The following DNM3 variants were observed in gnomAD, a reference collection of about 807,000 sequenced individuals.
The protein encoded by DNM3 is dynamin 3, also known as dynamin-3.
In DNM3, 47 loss-of-function variants were observed where a neutral mutation model predicts 101.6. The observed-to-expected ratio is 0.46, with a 90% CI of 0.37 to 0.59. DNM3 has a LOEUF of 0.59. DNM3 is among the 20% of genes least tolerant of loss of function. The pLI, the probability that DNM3 is intolerant of heterozygous loss-of-function variation, is 0.00. For synonymous variants in DNM3, 385 were observed against 387.9 expected, an observed-to-expected ratio of 0.99 and a Z score of 0.09; for missense variants, 849 against 1,085.7, an observed-to-expected ratio of 0.78 and a Z score of 3.06.
At chr1:171,909,059 A>G (rs1295113960) in intron 1 of DNM3, among the ~76,000 whole-genome samples, 1 of 152,130 alleles carries the variant, frequency 6.6e-6, no homozygotes, top group Admixed American at 6.5e-5. Flanking sequence ...AATAAATGAC[A>G]TAGTCTTTGC....
chr1:172,210,930 C>A (rs2060493111), intron 14 of DNM3, among the ~76,000 whole-genome samples: 1 of 152,020 alleles, frequency 6.6e-6, no homozygotes, highest in Non-Finnish European at 1.5e-5. Context: ...AAATAAAGGG[C>A]ATTTTTTACA....
chr1:172,092,820 T>A lies in DNM3; in HGVS notation c.1494-4T>A. On this transcript the variant is annotated splice_region_variant and splice_polypyrimidine_tract_variant and intron_variant, in intron 12 of 20. Transcript: ENST00000627582. The stretch of plus-strand genomic sequence containing the variant: ...TCAGTGCTGCTTTCCTTTGCTTTTC[T>A]CAGTGCTCAGCAGAGGAGCAGTCAG... The A allele has an allele frequency of 6.4e-7, 1 of 1,555,228 alleles. No individual in the cohort carries two copies. Among genetic ancestry groups the A allele is most frequent in the South Asian group, 1.2e-5 (1 of 83,784 alleles).
intron 12 of DNM3, among the ~76,000 whole-genome samples, chr1:172,084,037 G>A (rs1002750986): frequency 1.3e-5 from 2 of 152,090 alleles, no homozygotes; most frequent in Non-Finnish European, 2.9e-5. Flanking sequence ...AATTTAAATT[G>A]CACACTTAAA....
chr1:172,404,798 T>G (rs1310448822), intron 20 of DNM3, among the ~76,000 whole-genome samples: 1 of 152,118 alleles, frequency 6.6e-6, no homozygotes, highest in Non-Finnish European at 1.5e-5. Flanking sequence ...CTTTTCCACT[T>G]AAAATGAAGT....
Position 172,371,299 on chromosome 1 carries a change from T to C in DNM3, c.1894-7719T>C, listed in dbSNP as rs546518254. 2.6e-5 allele frequency among the ~76,000 whole-genome samples: 4 copies of C among 152,164 alleles called. No individual in the cohort carries two copies. The East Asian group carries it at 7.8e-4, about 30-fold the overall frequency. On this transcript the variant is annotated intron_variant, in intron 17 of 20. Transcript: ENST00000627582. Reference sequence around the variant, plus strand: ...GTAGCAAAGAATCTGACACATTTGGTATAATAAACCCACAAATGTTCATTA... The same window carrying C: ...GTAGCAAAGAATCTGACACATTTGGCATAATAAACCCACAAATGTTCATTA...
intron 15 of DNM3, chr1:172,289,980 T>C (rs2063839969): frequency 1.1e-6 from 1 of 915,804 alleles, no homozygotes; most frequent in Non-Finnish European, 1.3e-6. Flanking sequence ...ATTAAATTTA[T>C]ATTATTGACA....
chr1:171,875,958 G>A (rs961322342), intron 1 of DNM3, among the ~76,000 whole-genome samples: 6 of 151,680 alleles, frequency 4.0e-5, no homozygotes, highest in Admixed American at 2.0e-4. Flanking sequence ...CTACAGGCGC[G>A]TGCCACCATG....
intron 17 of DNM3, among the ~76,000 whole-genome samples, chr1:172,370,847 T>C (rs1305789169): frequency 1.3e-5 from 2 of 152,022 alleles, no homozygotes; most frequent in Non-Finnish European, 2.9e-5. Context: ...TGTGAAGGCA[T>C]TTGAAAACTG....
intron 7 of DNM3, among the ~76,000 whole-genome samples, chr1:172,041,542 A>G (rs2049388817): frequency 6.6e-6 from 1 of 152,166 alleles, no homozygotes. Flanking sequence ...ATTTCTCAAT[A>G]GCCCTTGAAG....
At chr1:171,972,213 T>C (rs2044044528) in intron 2 of DNM3, among the ~76,000 whole-genome samples, 1 of 152,216 alleles carries the variant, frequency 6.6e-6, no homozygotes, top group Non-Finnish European at 1.5e-5. Flanking sequence ...GTTACTACGC[T>C]GTGGAAGGCG....
chr1:171,927,493 G>A lies in DNM3; in HGVS notation c.235+5672G>A, dbSNP rs538775657. ...AGCTCCCACTTATAAGTGAGAAAAT[G>A]CAATATTTGGTTTTCTGTTCCTGCG... On this transcript the variant is annotated intron_variant, in intron 2 of 20. Transcript: ENST00000627582. Among the ~76,000 whole-genome samples, 4 of 152,268 alleles carry A rather than the reference G, an allele frequency of 2.6e-5. No individual in the cohort carries two copies. The East Asian group carries it at 5.8e-4, about 22-fold the overall frequency.
intron 14 of DNM3, among the ~76,000 whole-genome samples, chr1:172,180,297 G>A (rs539073317): frequency 1.3e-5 from 2 of 152,158 alleles, no homozygotes; most frequent in South Asian, 4.2e-4. Flanking sequence ...GTTCTTTATG[G>A]TTTACCAATT....
At chr1:172,399,144 T>C (rs2070260787) in intron 20 of DNM3, among the ~76,000 whole-genome samples, 1 of 152,184 alleles carries the variant, frequency 6.6e-6, no homozygotes. Context: ...TTCTGCAGAC[T>C]CTTTACATGG....
intron 14 of DNM3, among the ~76,000 whole-genome samples, chr1:172,212,373 G>T (rs1490488527): frequency 6.6e-6 from 1 of 152,142 alleles, no homozygotes; most frequent in Non-Finnish European, 1.5e-5. Flanking sequence ...TGAGCCAATT[G>T]TCAGGAGTTT....
intron 17 of DNM3, among the ~76,000 whole-genome samples, chr1:172,374,924 T>A (rs1380648859): frequency 6.6e-6 from 1 of 152,094 alleles, no homozygotes. Flanking sequence ...TATAATCCCT[T>A]AATACCCTGA....
intron 1 of DNM3, among the ~76,000 whole-genome samples, chr1:171,904,123 C>T (rs1042632035): frequency 1.3e-4 from 19 of 148,870 alleles, no homozygotes; most frequent in African/African-American, 4.0e-4. Flanking sequence ...TCCTGGGCAA[C>T]ATGGTGAAAC....
At chr1:172,235,229 GA>G (rs1180151007) in intron 14 of DNM3, among the ~76,000 whole-genome samples, 3 of 152,116 alleles carry the variant, frequency 2.0e-5, no homozygotes, top group Non-Finnish European at 4.4e-5. Flanking sequence ...TTATGCAGCC[GA>G]AAGACACGTG....
chr1:172,253,462 A>G (rs2062263974), intron 14 of DNM3, 111 bp from the exon 15 acceptor site: 3 of 753,490 alleles, frequency 4.0e-6, no homozygotes, highest in Non-Finnish European at 6.4e-6. Context: ...GCATGCCTCA[A>G]GATCTTTTAT....
At chr1:172,319,042 A>G (rs2065554229) in intron 16 of DNM3, among the ~76,000 whole-genome samples, 1 of 152,134 alleles carries the variant, frequency 6.6e-6, no homozygotes, top group South Asian at 2.1e-4. Context: ...AAACAGAGAT[A>G]TAGACCAATG....
Sources: gnomAD v4.1 joint callset for allele counts (sites outside exome capture counted in the v4.1 genomes callset) on GRCh38, gnomAD v4.1.1 for gene constraint, MANE v1.5 for transcripts, NCBI Gene and HGNC (gene_info 2026-07-23, HGNC 2026-07-21) for gene names.